The following SNX27 variants were observed in gnomAD, a reference collection of about 807,000 sequenced individuals.
The protein encoded by SNX27 is sorting nexin 27.
In SNX27, 22 loss-of-function variants were observed where a neutral mutation model predicts 71.6. The ratio of observed to expected loss-of-function variants is 0.31; its 90% CI spans 0.22 to 0.44. The LOEUF (loss-of-function observed/expected upper bound fraction) is 0.44. Ranked by LOEUF, SNX27 falls within the 20% of genes least tolerant of loss-of-function variation. The pLI, the probability that SNX27 is intolerant of heterozygous loss-of-function variation, is 1.00. For missense variants in SNX27, 531 were observed against 698.6 expected, an observed-to-expected ratio of 0.76 and a Z score of 2.70; for synonymous variants, 269 against 277.2, an observed-to-expected ratio of 0.97 and a Z score of 0.29.
At chr1:151,624,246 G>A (rs889384931) in intron 1 of SNX27, among the ~76,000 whole-genome samples, 1 of 151,864 alleles carries the variant, frequency 6.6e-6, no homozygotes, top group African/African-American at 2.4e-5. Flanking sequence ...GATTACAGGA[G>A]TGAGCCACCT....
At chr1:151,637,162 G>GTTTTTTT (rs1203944575) in intron 1 of SNX27, among the ~76,000 whole-genome samples, 3 of 37,308 alleles carry the variant, frequency 8.0e-5, no homozygotes, top group African/African-American at 1.8e-4. Context: ...CGTTTTTTTT[G>GTTTTTTT]TTTTTTTGTT....
At chr1:151,625,124 C>T (rs1297005024) in intron 1 of SNX27, among the ~76,000 whole-genome samples, 1 of 152,118 alleles carries the variant, frequency 6.6e-6, no homozygotes, top group Non-Finnish European at 1.5e-5. Context: ...ACATACTTCT[C>T]AGTTTCTCAG....
chr1:151,652,083 C>T (rs969474780), intron 2 of SNX27, among the ~76,000 whole-genome samples: 2 of 152,012 alleles, frequency 1.3e-5, no homozygotes, highest in Non-Finnish European at 1.5e-5. Flanking sequence ...CGCAGGCACT[C>T]GGCAGGCTGA....
Position 151,660,875 on chromosome 1 carries a change from CTCTT to C in SNX27, c.801+15_801+18del. On this transcript the variant is annotated intron_variant, in intron 4 of 11. Coordinates refer to ENST00000458013, the MANE Select transcript of SNX27 (RefSeq NM_001330723.2). ...AGAATCCGATGAGGTAGGTGAATAT[CTCTT>C]TTAGTGATTATTTTCCTTTTGGCTC... is the stretch of plus-strand genomic sequence containing the variant. 6.3e-7 allele frequency: 1 copy of C among 1,593,020 alleles called. No homozygotes were observed. The highest frequency in any genetic ancestry group is 8.6e-7 in the Non-Finnish European group (1 of 1,160,954).
At chr1:151,694,140 A>G in intron 11 of SNX27, 1 of 1,297,240 alleles carries the variant, frequency 7.7e-7, no homozygotes, top group Non-Finnish European at 9.8e-7. Flanking sequence ...CAGCCTCCCT[A>G]GCTTTCAGTT....
At chr1:151,637,204 C>T (rs571942391) in intron 1 of SNX27, among the ~76,000 whole-genome samples, 15 of 146,270 alleles carry the variant, frequency 1.0e-4, no homozygotes, top group African/African-American at 3.6e-4. Context: ...TTGCTCTGTC[C>T]GCCAGGCTGG....
intron 2 of SNX27, among the ~76,000 whole-genome samples, chr1:151,652,119 G>T (rs1454205707): frequency 6.6e-6 from 1 of 151,512 alleles, no homozygotes; most frequent in Non-Finnish European, 1.5e-5. Context: ...CAGGGAGGTT[G>T]CAGTGAGCCG....
intron 1 of SNX27, among the ~76,000 whole-genome samples, chr1:151,626,615 T>A (rs1012457142): frequency 1.3e-4 from 19 of 151,964 alleles, no homozygotes; most frequent in Non-Finnish European, 2.8e-4. Flanking sequence ...GGCAGGAGAA[T>A]CACTTGAACT....
chr1:151,681,168 G>A (rs1252850269), intron 7 of SNX27, among the ~76,000 whole-genome samples: 1 of 150,088 alleles, frequency 6.7e-6, no homozygotes, highest in East Asian at 1.9e-4. Context: ...CAGTGAAAGG[G>A]TTTACATGAC....
At position 151,693,010 on chromosome 1, in the gene SNX27, C is replaced by A. The variant is rs1315766103; in HGVS notation, c.1489C>A (p.Pro497Thr). 6.2e-7 allele frequency: 1 copy of A among 1,614,116 alleles called. No homozygotes were observed. Among genetic ancestry groups the A allele is most frequent in the South Asian group, 1.1e-5 (1 of 91,070 alleles). Residue 497 changes from proline to threonine, a missense_variant, in exon 10 of 12, where the codon CCC (proline) becomes ACC (threonine). This residue lies in a region of SNX27 where 157 missense variants were observed against 178.4 expected (regional missense o/e 0.88). Transcript: ENST00000458013. ...CFEYARGEKK[P>T]RWVKIFTPYF... ...CGAATATGCACGAGGAGAGAAGAAG[C>A]CCCGATGGGTTAAAATCTTCACGCC...
At chr1:151,693,594 A>C in intron 11 of SNX27, 111 bp downstream of exon 11, 2 of 1,614,030 alleles carry the variant, frequency 1.2e-6, no homozygotes, top group Non-Finnish European at 8.5e-7. Context: ...TCTTTCTAGG[A>C]ATATTAGTTA....
Position 151,683,430 on chromosome 1 carries a change from A to T in SNX27, c.1224A>T (p.Gln408His). 1 of 1,613,328 alleles carries T rather than the reference A, an allele frequency of 6.2e-7. No individual in the cohort carries two copies. ...KSYQLQKLYEQRKMVMYLNML... is the reference protein window; with the variant it reads ...KSYQLQKLYEHRKMVMYLNML... ...ATCAATTACAGAAGCTATACGAACA[A>T]AGAAAAATGGTCATGGTAAGTTTAT... Residue 408 changes from glutamine (Q) to histidine (H), a missense_variant, in exon 8 of 12, where the codon CAA (glutamine) becomes CAT (histidine). Gln to His is a conservative substitution (Grantham distance 24). Coordinates refer to ENST00000458013, the MANE Select transcript of SNX27 (RefSeq NM_001330723.2).
At chr1:151,622,713 A>T in intron 1 of SNX27, among the ~76,000 whole-genome samples, 1 of 152,254 alleles carries the variant, frequency 6.6e-6, no homozygotes, top group East Asian at 1.9e-4. Flanking sequence ...TGAACAACTG[A>T]GTGGGGGATC....
At chr1:151,617,661 C>T (rs563175627) in intron 1 of SNX27, among the ~76,000 whole-genome samples, 3 of 152,180 alleles carry the variant, frequency 2.0e-5, no homozygotes, top group Non-Finnish European at 4.4e-5. Flanking sequence ...AGGGCAGGGA[C>T]TACATCAAAT....
chr1:151,687,880 G>A (rs1277363876), intron 8 of SNX27, among the ~76,000 whole-genome samples: 5 of 151,434 alleles, frequency 3.3e-5, no homozygotes, highest in Admixed American at 3.3e-4. Flanking sequence ...CCCAGGAGGC[G>A]GAGCTTGCAG....
intron 5 of SNX27, among the ~76,000 whole-genome samples, chr1:151,663,174 G>A (rs1023513680): frequency 1.3e-4 from 19 of 147,298 alleles, no homozygotes; most frequent in African/African-American, 4.8e-4. Context: ...TTTTTGAGAC[G>A]GAGTCTTGCT....
At chr1:151,637,477 G>T (rs1039049883) in intron 1 of SNX27, among the ~76,000 whole-genome samples, 30 of 152,202 alleles carry the variant, frequency 2.0e-4, no homozygotes, top group African/African-American at 6.7e-4. Flanking sequence ...CGCGCCCGGC[G>T]CCTGATCATG....
Position 151,699,025 on chromosome 1 carries a change from T to A in SNX27, c.*4608T>A, listed in dbSNP as rs141531672. 2.8e-3 allele frequency: 426 copies of A among 152,800 alleles called. 1 individual carries two copies. Among genetic ancestry groups the A allele is most frequent in the Non-Finnish European group, 3.5e-3 (237 of 68,044 alleles). The allele number at this position is 152,800 out of a possible 1,614,324, so 9.5% of individuals were successfully genotyped here. On this transcript the variant is annotated 3_prime_UTR_variant, in exon 12 of 12. Transcript: ENST00000458013. ...CTCTAAAATTGTTTGGTAATGTCACTTAGTGTAATTAATTGTAACATATTC... is the reference window on the plus strand; with the variant it reads ...CTCTAAAATTGTTTGGTAATGTCACATAGTGTAATTAATTGTAACATATTC...
At chr1:151,620,792 C>CA (rs575660426) in intron 1 of SNX27, among the ~76,000 whole-genome samples, 179 of 151,490 alleles carry the variant, frequency 1.2e-3, no homozygotes, top group Non-Finnish European at 2.1e-3. Flanking sequence ...CAGGTTCAAG[C>CA]AATTCTCCTG....
Sources: allele counts gnomAD v4.1 joint callset (sites outside exome capture counted in the v4.1 genomes callset), GRCh38; gene constraint gnomAD v4.1.1; regional missense constraint gnomAD v4.1.1; transcripts MANE v1.5; gene names NCBI Gene and HGNC (gene_info 2026-07-23, HGNC 2026-07-21).